The following SLC4A9 variants were observed in gnomAD, a reference collection of about 807,000 sequenced individuals.
SLC4A9 encodes anion exchange protein 4.
SLC4A9 carries 102 observed loss-of-function variants against 103.2 expected under a neutral mutation model. The observed-to-expected ratio is 0.99, with a 90% CI of 0.84 to 1.17. SLC4A9 has a LOEUF of 1.17. Among genes scored for constraint, SLC4A9 ranks in the 50% most tolerant of loss-of-function variants. The probability of loss-of-function intolerance (pLI) is 0.00; values close to 1 mark genes in which losing one functional copy is unlikely to be tolerated. For missense variants in SLC4A9, 1,091 were observed against 1,193.7 expected (o/e 0.91, Z 1.27); for synonymous variants, 453 against 483.6 (o/e 0.94, Z 0.83).
chr5:140,360,779 C>G, intron 1 of SLC4A9, 33 bp from the exon 2 acceptor site: 1 of 1,612,860 alleles, frequency 6.2e-7, no homozygotes, highest in South Asian at 1.1e-5. Context: ...GAGAAATGCC[C>G]TCAATAACAC....
chr5:140,367,361 G>A, intron 14 of SLC4A9, 59 bp from the exon 15 acceptor site: 1 of 1,562,596 alleles, frequency 6.4e-7, no homozygotes, highest in Non-Finnish European at 8.7e-7. Flanking sequence ...GTTGAGATGT[G>A]CAGGTGAGAT....
intron 1 of SLC4A9, 88 bp downstream of exon 1, chr5:140,360,554 T>C: frequency 7.8e-7 from 1 of 1,283,476 alleles, no homozygotes; most frequent in Non-Finnish European, 1.1e-6. Context: ...CTTATGGGGC[T>C]GCCCAAAATT....
Position 140,372,803 on chromosome 5 carries a change from A to C in SLC4A9, c.*5A>C. 6.4e-7 allele frequency: 1 copy of C among 1,564,348 alleles called. No homozygotes were observed. Among genetic ancestry groups the C allele is most frequent in the Non-Finnish European group, 8.7e-7 (1 of 1,153,454 alleles). ...ATCAACATTTCTGTGAATTAGCTGG[A>C]GTAGGAGTCTGGGAGTGGAGACCCC... On this transcript the variant is annotated 3_prime_UTR_variant, in exon 21 of 22. Transcript: ENST00000506757.
At chr5:140,371,379 G>C in intron 18 of SLC4A9, 72 bp from the exon 19 acceptor site, 1 of 1,576,418 alleles carries the variant, frequency 6.3e-7, no homozygotes. Flanking sequence ...GCTGGGCTAT[G>C]ATAGCTATCA....
intron 17 of SLC4A9, 91 bp from the exon 18 acceptor site, chr5:140,371,004 T>A (rs536634198): frequency 8.8e-7 from 1 of 1,139,514 alleles, no homozygotes; most frequent in East Asian, 2.5e-5. Flanking sequence ...GGATGCTAGA[T>A]GCTAGAGGGA....
At position 140,364,093 on chromosome 5, in the gene SLC4A9, G is replaced by A; in HGVS notation, c.1294G>A (p.Ala432Thr). Residue 432 changes from alanine (A) to threonine (T), a missense_variant, in exon 10 of 22, where the codon GCT becomes ACT. Physicochemically the swap from Ala to Thr is moderately conservative, Grantham distance 58. Transcript: ENST00000506757. ...ESFLGTAVAG[A>T]AFCLMAGQPL... ...TTTCCTGGGCACAGCAGTGGCTGGAGCTGCCTTCTGCCTGATGGCAGGCCA... is the reference window on the plus strand; with the variant it reads ...TTTCCTGGGCACAGCAGTGGCTGGAACTGCCTTCTGCCTGATGGCAGGCCA... 1 of 1,582,318 alleles carries A rather than the reference G, an allele frequency of 6.3e-7. No individual in the cohort carries two copies. The highest frequency in any genetic ancestry group is 1.8e-5 in the Admixed American group (1 of 54,860).
At chr5:140,368,918 C>T (rs759877804) in intron 17 of SLC4A9, among the ~76,000 whole-genome samples, 50 of 152,176 alleles carry the variant, frequency 3.3e-4, no homozygotes, top group Non-Finnish European at 6.0e-4. Context: ...AGAACTCAAA[C>T]GCTTATCCAA....
chr5:140,370,398 G>T (rs1768530317), intron 17 of SLC4A9, among the ~76,000 whole-genome samples: 1 of 151,446 alleles, frequency 6.6e-6, no homozygotes, highest in South Asian at 2.1e-4. Flanking sequence ...TGGGGGGATG[G>T]AGGTTGCAGT....
chr5:140,362,636 A>T, intron 6 of SLC4A9, 104 bp downstream of exon 6: 3 of 1,191,176 alleles, frequency 2.5e-6, no homozygotes, highest in Non-Finnish European at 3.7e-6. Context: ...GTGTGTGTGG[A>T]CTCTGTATGT....
Position 140,367,493 on chromosome 5 carries a change from C to T in SLC4A9, c.2087C>T (p.Ala696Val). The T allele has an allele frequency of 6.2e-7, 1 of 1,604,698 alleles. No homozygotes were observed. Among genetic ancestry groups the T allele is most frequent in the Non-Finnish European group, 8.5e-7 (1 of 1,176,138 alleles). Residue 696 changes from alanine to valine, a missense_variant, in exon 15 of 22, where the codon GCC becomes GTC. Coordinates refer to ENST00000506757, the MANE Select transcript of SLC4A9 (RefSeq NM_031467.3). ...CCCTGGTGGTGGAGTGTGGCAGCTG[C>T]CCTGCCTGCCCTGCTGCTGTCTATC... ...ANPWWWSVAAALPALLLSILI... is the reference protein window; with the variant it reads ...ANPWWWSVAAVLPALLLSILI...
intron 14 of SLC4A9, among the ~76,000 whole-genome samples, chr5:140,367,168 G>C (rs6878367): frequency 0.014 from 2,056 of 152,288 alleles, 46 homozygotes; most frequent in African/African-American, 0.046. Context: ...ACCTCCTTCT[G>C]TTCCAGGGAG....
chr5:140,368,201 A>C (rs887617307), intron 16 of SLC4A9, among the ~76,000 whole-genome samples: 3 of 152,244 alleles, frequency 2.0e-5, no homozygotes, highest in Non-Finnish European at 2.9e-5. Flanking sequence ...GAAGTTACAA[A>C]GGAATCCATC....
chr5:140,364,733 C>A, intron 11 of SLC4A9, 108 bp downstream of exon 11: 3 of 1,346,104 alleles, frequency 2.2e-6, no homozygotes, highest in Non-Finnish European at 1.0e-6. Flanking sequence ...ATGCTGCATA[C>A]TTACCCAATA....
chr5:140,360,598 G>T (rs1242453317), intron 1 of SLC4A9, 132 bp downstream of exon 1: 3 of 1,138,310 alleles, frequency 2.6e-6, no homozygotes, highest in African/African-American at 3.1e-5. Flanking sequence ...TTATTTCAGG[G>T]TCTTACCTTC....
rs576383144 is a variant in SLC4A9 at position 140,363,972 on chromosome 5, G to A, written c.1254+70G>A. On this transcript the variant is annotated intron_variant, in intron 9 of 21. Coordinates refer to ENST00000506757, the MANE Select transcript of SLC4A9 (RefSeq NM_031467.3). This position sits in a 1 kb window ranked among gnomAD's most constrained non-coding sequence, Gnocchi z 4.5. Reference sequence around the variant, plus strand: ...GTCCATCCCTTCCCCTGGGACTATGGGTAAGTTAAGGAGGCTCTCCCAAAG... The same window carrying A: ...GTCCATCCCTTCCCCTGGGACTATGAGTAAGTTAAGGAGGCTCTCCCAAAG... 30 of 1,569,412 alleles carry A rather than the reference G, an allele frequency of 1.9e-5. No homozygotes were observed. The South Asian group carries it at 3.4e-4, about 18-fold the overall frequency.
chr5:140,367,691 A>T lies in SLC4A9; in HGVS notation c.2176-29A>T, dbSNP rs373494985. The T allele has an allele frequency of 8.1e-5, 131 of 1,612,620 alleles. No individual in the cohort carries two copies. The African/African-American group carries it at 1.1e-3, about 13-fold the overall frequency. ...GAGGGCTGGGGCCTGGGCTAGCTTC[A>T]TCCTCATTGCCCCCACCACTACCTG... On this transcript the variant is annotated intron_variant, in intron 15 of 21. Transcript: ENST00000506757.
intron 6 of SLC4A9, 26 bp from the exon 7 acceptor site, chr5:140,362,886 C>T: frequency 6.2e-7 from 1 of 1,613,942 alleles, no homozygotes; most frequent in Non-Finnish European, 8.5e-7. Flanking sequence ...TTGCACTTAC[C>T]ACCCATTCTG....
chr5:140,364,380 A>G lies in SLC4A9; in HGVS notation c.1406A>G (p.Tyr469Cys), dbSNP rs761510575. The change falls in exon 11 of 22, where the codon TAC becomes TGC. Residue 469 changes from tyrosine to cysteine, a missense_variant. Physicochemically the swap from Tyr to Cys is radical, Grantham distance 194. Transcript: ENST00000506757. ...CCCCACAGAGATTACAGCCTGGACTACCTGCCCTTCCGCCTATGGGTGGGC... is the reference window on the plus strand; with the variant it reads ...CCCCACAGAGATTACAGCCTGGACTGCCTGCCCTTCCGCCTATGGGTGGGC... ...FSFSRDYSLD[Y>C]LPFRLWVGIW... is the part of the protein sequence containing the mutation. 6 of 1,612,796 alleles carry G rather than the reference A, an allele frequency of 3.7e-6. No homozygotes were observed. In the African/African-American group the frequency reaches 5.3e-5, roughly 14 times the overall value.
At position 140,360,356 on chromosome 5, in the gene SLC4A9, C is replaced by T. The variant is rs1158862810; in HGVS notation, c.120C>T (p.Pro40=). The change falls in exon 1 of 22, where the codon CCC becomes CCT. Residue 40 remains proline, a synonymous_variant. Coordinates refer to ENST00000506757, the MANE Select transcript of SLC4A9 (RefSeq NM_031467.3). ...GCACCGGCCCCAGCCCTGATGGCCC[C>T]TCAGACACAGAGAGCAAGGAACTGG... The part of the protein sequence containing the change: ...DPGTGPSPDG[P]SDTESKELGV... The T allele has an allele frequency of 2.5e-6, 4 of 1,610,800 alleles. No individual in the cohort carries two copies. In the South Asian group the frequency reaches 3.3e-5, roughly 13 times the overall value.
Sources: gnomAD v4.1 joint callset for allele counts (sites outside exome capture counted in the v4.1 genomes callset) on GRCh38, gnomAD v4.1.1 for gene constraint, Gnocchi (gnomAD v3.1) non-coding constraint, MANE v1.5 for transcripts, NCBI Gene and HGNC (gene_info 2026-07-23, HGNC 2026-07-21) for gene names.